Variants in PCSK5 observed in about 807,000 individuals in gnomAD.
PCSK5 encodes the protein prohormone convertase 5.
PCSK5 carries 129 observed loss-of-function variants against 233.2 expected under a neutral mutation model. The observed-to-expected ratio is 0.55, with a 90% CI of 0.48 to 0.64. The LOEUF (loss-of-function observed/expected upper bound fraction) is 0.64, where lower values mean the gene tolerates loss of function less well. Ranked by LOEUF, PCSK5 falls within the 30% of genes least tolerant of loss-of-function variation. PCSK5 has a pLI of 0.00. For missense variants in PCSK5, 2,076 were observed against 2,430.1 expected (o/e 0.85, Z 3.06); for synonymous variants, 825 against 879.2 (o/e 0.94, Z 1.09).
At position 76,177,991 on chromosome 9, in the gene PCSK5, T is replaced by C. The variant is rs145565486; in HGVS notation, c.1901-1605T>C. Among the ~76,000 whole-genome samples, 178 of 152,168 alleles carry C rather than the reference T, an allele frequency of 1.2e-3. 1 individual carries two copies. The highest frequency in any genetic ancestry group is 3.9e-3 in the African/African-American group (160 of 41,524). On this transcript the variant is annotated intron_variant, in intron 14 of 37. Transcript: ENST00000674117. ...TTCTAGAAGTCATCTGGTGAAAATT[T>C]AGGGCCACCCATGACTCCTTTCCTT...
intron 5 of PCSK5, among the ~76,000 whole-genome samples, chr9:76,055,398 C>T (rs1472799951): frequency 6.6e-6 from 1 of 151,938 alleles, no homozygotes; most frequent in Non-Finnish European, 1.5e-5. Flanking sequence ...TTTCTTTTTA[C>T]TTCTTAAATT....
chr9:76,236,322 C>T (rs1552937), intron 22 of PCSK5, among the ~76,000 whole-genome samples: 23,654 of 152,102 alleles, frequency 0.16, 1,893 homozygotes, highest in African/African-American at 0.19. Context: ...TCCACTTTCT[C>T]ACCTAACAGA....
At chr9:75,943,575 C>G (rs1188021221) in intron 2 of PCSK5, among the ~76,000 whole-genome samples, 3 of 152,060 alleles carry the variant, frequency 2.0e-5, no homozygotes, top group African/African-American at 7.3e-5. Context: ...TTCCAATTAT[C>G]AATCAGTTCT....
intron 34 of PCSK5, among the ~76,000 whole-genome samples, chr9:76,334,301 C>G (rs1004686016): frequency 1.3e-5 from 2 of 152,198 alleles, no homozygotes; most frequent in African/African-American, 2.4e-5. Context: ...AACCATATCA[C>G]TGACTTTAAG....
At chr9:76,229,752 T>TCA (rs1028372533) in intron 21 of PCSK5, among the ~76,000 whole-genome samples, 1 of 152,214 alleles carries the variant, frequency 6.6e-6, no homozygotes, top group African/African-American at 2.4e-5. Context: ...ACAGTTCATG[T>TCA]CACACACACA....
intron 1 of PCSK5, among the ~76,000 whole-genome samples, chr9:75,905,186 G>T (rs184223162): frequency 1.3e-5 from 2 of 152,178 alleles, no homozygotes; most frequent in African/African-American, 2.4e-5. Context: ...ATAGGTATGA[G>T]ATTTTTTGGG....
At chr9:76,051,815 A>T (rs1477721037) in intron 5 of PCSK5, among the ~76,000 whole-genome samples, 1 of 152,198 alleles carries the variant, frequency 6.6e-6, no homozygotes, top group Non-Finnish European at 1.5e-5. Flanking sequence ...GGAAAATCAG[A>T]CAGGCTGCTC....
chr9:75,935,540 A>C (rs1383185614), intron 2 of PCSK5, among the ~76,000 whole-genome samples: 1 of 152,166 alleles, frequency 6.6e-6, no homozygotes, highest in Non-Finnish European at 1.5e-5. Context: ...TCTGGCTATT[A>C]ATATTAACTT....
At chr9:76,276,638 G>A (rs1354398762) in intron 24 of PCSK5, among the ~76,000 whole-genome samples, 3 of 152,022 alleles carry the variant, frequency 2.0e-5, no homozygotes, top group Non-Finnish European at 4.4e-5. Flanking sequence ...GTTATCATTC[G>A]AATCTCTACT....
intron 12 of PCSK5, among the ~76,000 whole-genome samples, chr9:76,163,551 T>G (rs1822960550): frequency 6.6e-6 from 1 of 152,176 alleles, no homozygotes. Context: ...TGGACTTTCC[T>G]TTGCTCTTCC....
chr9:76,282,375 G>A (rs898785343), intron 24 of PCSK5, among the ~76,000 whole-genome samples: 2 of 138,398 alleles, frequency 1.4e-5, no homozygotes, highest in Admixed American at 7.3e-5. Context: ...TCGAGACAGG[G>A]TTTTTGCAAT....
intron 6 of PCSK5, among the ~76,000 whole-genome samples, chr9:76,071,136 A>G (rs965260981): frequency 6.6e-6 from 1 of 152,236 alleles, no homozygotes; most frequent in Non-Finnish European, 1.5e-5. Flanking sequence ...ATAACTAAAC[A>G]TTGCTAAAAA....
chr9:76,000,718 T>C (rs1456968334), intron 3 of PCSK5, among the ~76,000 whole-genome samples: 1 of 152,218 alleles, frequency 6.6e-6, no homozygotes, highest in Non-Finnish European at 1.5e-5. Flanking sequence ...TGATGTGTTT[T>C]ATTTCATTGA....
chr9:76,315,641 A>ATTTTTTTTTTTTTTTTTTT (rs777066898), intron 30 of PCSK5, among the ~76,000 whole-genome samples: 1 of 139,102 alleles, frequency 7.2e-6, no homozygotes, highest in African/African-American at 2.8e-5. Flanking sequence ...GGAGAAGACT[A>ATTTTTTTTTTTTTTTTTTT]CTTTTTTTTT....
intron 2 of PCSK5, among the ~76,000 whole-genome samples, chr9:75,952,514 A>C (rs891066776): frequency 6.6e-6 from 1 of 152,158 alleles, no homozygotes; most frequent in African/African-American, 2.4e-5. Context: ...AGTTCTGTTG[A>C]ATTTTGACAA....
chr9:76,154,192 G>A (rs1406274762), intron 10 of PCSK5, among the ~76,000 whole-genome samples: 1 of 151,900 alleles, frequency 6.6e-6, no homozygotes, highest in Non-Finnish European at 1.5e-5. Context: ...GTTTTTTTCG[G>A]TTGACCAGTC....
Position 76,333,832 on chromosome 9 carries a change from A to G in PCSK5, c.4748+1222A>G, listed in dbSNP as rs920143763. ...ATTTTAGTGCTATATGCTGCCTTGCATTTTGATTTATCTCATTCATTCACT... is the reference window on the plus strand; with the variant it reads ...ATTTTAGTGCTATATGCTGCCTTGCGTTTTGATTTATCTCATTCATTCACT... On this transcript the variant is annotated intron_variant, in intron 34 of 37. Coordinates refer to ENST00000674117, the MANE Select transcript of PCSK5 (RefSeq NM_001372043.1). Among the ~76,000 whole-genome samples, 4 of 152,290 alleles carry G rather than the reference A, an allele frequency of 2.6e-5. No homozygotes were observed. The South Asian group carries it at 8.3e-4, about 32-fold the overall frequency.
At chr9:76,093,565 T>TTATA (rs763686948) in intron 7 of PCSK5, among the ~76,000 whole-genome samples, 100 of 146,648 alleles carry the variant, frequency 6.8e-4, no homozygotes, top group Non-Finnish European at 9.4e-4. Context: ...TGTCATAATT[T>TTATA]TATATATATA....
intron 24 of PCSK5, among the ~76,000 whole-genome samples, chr9:76,243,323 A>T (rs1357455249): frequency 1.3e-5 from 2 of 152,150 alleles, no homozygotes; most frequent in Non-Finnish European, 2.9e-5. Flanking sequence ...TCCTACTATA[A>T]GGGATAGCAG....
Sources: gnomAD v4.1 joint callset for allele counts (sites outside exome capture counted in the v4.1 genomes callset) on GRCh38, gnomAD v4.1.1 for gene constraint, MANE v1.5 for transcripts, NCBI Gene and HGNC (gene_info 2026-07-23, HGNC 2026-07-21) for gene names.